The following ZFP64 variants were observed in gnomAD, a reference collection of about 807,000 sequenced individuals.
The protein encoded by ZFP64 is zinc finger protein 64.
ZFP64 carries 14 observed loss-of-function variants against 51.6 expected under a neutral mutation model. The ratio of observed to expected loss-of-function variants is 0.27; its 90% CI spans 0.18 to 0.42. The LOEUF (loss-of-function observed/expected upper bound fraction) is 0.42. Ranked by LOEUF, ZFP64 falls within the 10% of genes least tolerant of loss-of-function variation. The pLI is 1.00. For synonymous variants in ZFP64, 375 were observed against 361.4 expected, an observed-to-expected ratio of 1.04 and a Z score of -0.43; for missense variants, 754 against 906.8, an observed-to-expected ratio of 0.83 and a Z score of 2.16.
At chr20:52,116,531 C>G (rs1183296503) in intron 5 of ZFP64, among the ~76,000 whole-genome samples, 1 of 150,834 alleles carries the variant, frequency 6.6e-6, no homozygotes, top group Non-Finnish European at 1.5e-5. Context: ...TAATGATATA[C>G]TTTCATACAA....
Position 52,084,978 on chromosome 20 carries a change from C to CT in ZFP64, c.1516dup (p.Ser506LysfsTer14). The CT allele has an allele frequency of 1.2e-6, 2 of 1,614,046 alleles. No homozygotes were observed. The highest frequency in any genetic ancestry group is 1.7e-6 in the Non-Finnish European group (2 of 1,180,034). ...GCTGTGCACGCGCAGGGCGGCCGCG[C>CT]TGGAGCAGGAGTAGCTGCACTCTGG... On this transcript the variant is annotated frameshift_variant, in exon 9 of 9. Transcript: ENST00000361387. LOFTEE classifies it high-confidence loss of function.
chr20:52,095,548 T>C (rs960157035), intron 7 of ZFP64, among the ~76,000 whole-genome samples: 3 of 152,212 alleles, frequency 2.0e-5, no homozygotes, highest in African/African-American at 7.2e-5. Context: ...GAGGCCTCCA[T>C]GCCTTTTCTC....
intron 2 of ZFP64, among the ~76,000 whole-genome samples, chr20:52,171,386 TGTATGCGTATGC>T (rs964598245): frequency 3.9e-5 from 6 of 151,908 alleles, no homozygotes; most frequent in African/African-American, 1.4e-4. Flanking sequence ...TATGTGTCTG[TGTATGCGTATGC>T]GTATGTGTAT....
At chr20:52,167,511 C>CCCT (rs1982378936) in intron 2 of ZFP64, among the ~76,000 whole-genome samples, 1 of 135,050 alleles carries the variant, frequency 7.4e-6, no homozygotes, top group African/African-American at 2.8e-5. Flanking sequence ...CCCTCCCTTC[C>CCCT]TCCCTCCCTC....
intron 5 of ZFP64, chr20:52,110,711 T>C: frequency 6.3e-7 from 1 of 1,582,658 alleles, no homozygotes; most frequent in Non-Finnish European, 8.6e-7. Flanking sequence ...CAGCGCTGGA[T>C]GGCTCCAACC....
chr20:52,101,843 G>T (rs1267421687), intron 5 of ZFP64, among the ~76,000 whole-genome samples: 3 of 151,154 alleles, frequency 2.0e-5, no homozygotes, highest in Non-Finnish European at 4.4e-5. Flanking sequence ...TCTCAGCCGG[G>T]TGCCGTGGCT....
In ZFP64 at chr20:52,097,238, A is replaced by G. The variant is rs1300125053; in HGVS notation, c.976+135T>C. On this transcript the variant is annotated intron_variant, in intron 7 of 8. Coordinates refer to the ZFP64 transcript ENST00000361387. ...CACAGCCCTTTTGCTCCTTCTCCCA[A>G]GCCCACCCCACTAGACTGAGTTTCA... The G allele has an allele frequency of 4.7e-6, 5 of 1,070,348 alleles. No homozygotes were observed. In the Admixed American group the frequency reaches 6.9e-5, roughly 15 times the overall value. 66.3% of individuals were successfully genotyped at this position (1,070,348 alleles called of 1,614,324 possible). A position where few individuals can be genotyped will look rare whatever the true frequency, so the allele number is the denominator to read the frequency against.
At chr20:52,188,012 G>T (rs929187888) in intron 1 of ZFP64, among the ~76,000 whole-genome samples, 1 of 152,156 alleles carries the variant, frequency 6.6e-6, no homozygotes, top group Non-Finnish European at 1.5e-5. Flanking sequence ...ACAGCTGGAG[G>T]AGTTTCTGGG....
chr20:52,104,561 G>C lies in ZFP64; in HGVS notation c.764-5974C>G. ...ACCGTCTGCCCCCATCACCTCTCGG[G>C]CCTCCGGTGACCTCTCGGGCTACAG... On this transcript the variant is annotated intron_variant, in intron 5 of 8. Transcript: ENST00000361387. 4 of 379,744 alleles carry C rather than the reference G, an allele frequency of 1.1e-5. 1 individual carries two copies. The highest frequency in any genetic ancestry group is 7.9e-5 in the South Asian group (4 of 50,662). 23.5% of individuals were successfully genotyped at this position (379,744 alleles called of 1,614,324 possible).
intron 5 of ZFP64, among the ~76,000 whole-genome samples, chr20:52,118,771 C>A (rs1979010377): frequency 6.6e-6 from 1 of 152,234 alleles, no homozygotes. Context: ...AAGGTTCTCA[C>A]AGAGTGGGCA....
At chr20:52,114,926 G>A (rs140149488) in intron 5 of ZFP64, among the ~76,000 whole-genome samples, 8,085 of 152,300 alleles carry the variant, frequency 0.053, 286 homozygotes, top group Admixed American at 0.11. Flanking sequence ...GGCCGGGCAC[G>A]GTGGCTCATG....
chr20:52,154,938 G>A (rs1270344849), intron 5 of ZFP64, among the ~76,000 whole-genome samples: 3 of 152,172 alleles, frequency 2.0e-5, no homozygotes, highest in Non-Finnish European at 4.4e-5. Flanking sequence ...TGCTGCCTGA[G>A]AATGTTGTTC....
chr20:52,180,547 CAAAA>C (rs10669415), intron 2 of ZFP64, among the ~76,000 whole-genome samples: 7 of 87,184 alleles, frequency 8.0e-5, no homozygotes, highest in African/African-American at 1.9e-4. Context: ...CCAGAAATGG[CAAAA>C]AAAAAAAAAA....
intron 7 of ZFP64, among the ~76,000 whole-genome samples, chr20:52,094,805 T>C (rs1380055221): frequency 1.3e-5 from 2 of 152,154 alleles, no homozygotes; most frequent in African/African-American, 2.4e-5. Context: ...CAACCACTAT[T>C]CCCAGTTAAA....
chr20:52,123,878 G>T (rs774349436), intron 5 of ZFP64, among the ~76,000 whole-genome samples: 13 of 150,756 alleles, frequency 8.6e-5, no homozygotes, highest in South Asian at 2.1e-4. Flanking sequence ...TTCTTTTTTG[G>T]GGGGGGGAGG....
chr20:52,098,950 C>T (rs886868353), intron 5 of ZFP64, among the ~76,000 whole-genome samples: 3 of 144,564 alleles, frequency 2.1e-5, no homozygotes, highest in African/African-American at 5.2e-5. Context: ...TGCAGTGAGC[C>T]GAGATCATGC....
At chr20:52,173,786 C>G (rs989331286) in intron 2 of ZFP64, among the ~76,000 whole-genome samples, 1 of 151,848 alleles carries the variant, frequency 6.6e-6, no homozygotes, top group Non-Finnish European at 1.5e-5. Flanking sequence ...GTGGCTGGGA[C>G]TAAAGGTGTG....
Position 52,143,206 on chromosome 20 carries a change from G to A in ZFP64, c.763+16917C>T, listed in dbSNP as rs1442018792. Among the ~76,000 whole-genome samples the A allele has an allele frequency of 1.2e-4, 17 of 142,832 alleles. 3 individuals carry two copies. The highest frequency in any genetic ancestry group is 3.8e-4 in the African/African-American group (15 of 39,994). The allele number at this position is 142,832 out of a possible 152,430, so 93.7% of individuals were successfully genotyped here. A position where few individuals can be genotyped will look rare whatever the true frequency, so the allele number is the denominator to read the frequency against. On this transcript the variant is annotated intron_variant, in intron 5 of 8. Coordinates refer to the ZFP64 transcript ENST00000361387. The stretch of plus-strand genomic sequence containing the variant: ...ACTTTATTGTGATATTTGCTTTATT[G>A]TGGTGGTCTGGAACCAAACTCACAA...
rs540804505 is a variant in ZFP64 at position 52,165,711 on chromosome 20, A to G, written c.448+153T>C. 314 of 968,330 alleles carry G rather than the reference A, an allele frequency of 3.2e-4. 5 individuals carry two copies. The South Asian group carries it at 4.4e-3, about 14-fold the overall frequency. 60.0% of individuals were successfully genotyped at this position (968,330 alleles called of 1,614,324 possible). On this transcript the variant is annotated intron_variant, in intron 3 of 5. Transcript: ENST00000216923. ...CCACAGACAGTGGGAGATAGGTTGT[A>G]TGTGCTGATGTAAATGCCAGGGGGC...
Sources: allele counts gnomAD v4.1 joint callset (sites outside exome capture counted in the v4.1 genomes callset), GRCh38; gene constraint gnomAD v4.1.1; transcripts MANE v1.5; gene names NCBI Gene and HGNC (gene_info 2026-07-23, HGNC 2026-07-21).